The following SZRD1 variants were observed in gnomAD, a reference collection of about 807,000 sequenced individuals.
SZRD1 encodes SUZ RNA binding domain containing 1.
In SZRD1, 7 loss-of-function variants were observed where a neutral mutation model predicts 17.6. The observed-to-expected ratio is 0.40, with a 90% CI of 0.23 to 0.75. SZRD1 has a LOEUF of 0.75. Ranked by LOEUF, SZRD1 falls within the 30% of genes least tolerant of loss-of-function variation. The pLI, the probability that SZRD1 is intolerant of heterozygous loss-of-function variation, is 0.38. For synonymous variants in SZRD1, 77 were observed against 77.9 expected (o/e 0.99, Z 0.06); for missense variants, 178 against 201.8 (o/e 0.88, Z 0.71).
intron 1 of SZRD1, among the ~76,000 whole-genome samples, chr1:16,377,885 T>C (rs539063185): frequency 4.0e-4 from 61 of 152,290 alleles, no homozygotes; most frequent in Admixed American, 1.4e-3. Flanking sequence ...GTAGCCTCTA[T>C]CTGGTTTGGG....
In SZRD1 at chr1:16,374,533, T is replaced by C. The variant is rs2082966639; in HGVS notation, c.51+7225T>C. Among the ~76,000 whole-genome samples the C allele has an allele frequency of 2.0e-5, 3 of 152,238 alleles. No homozygotes were observed. In the South Asian group the frequency reaches 6.2e-4, roughly 32 times the overall value. ...CAGCAATCACAGGCCTTCTTGTTTT[T>C]ACTTCTATGACAGGAGAGGATTTAG... On this transcript the variant is annotated intron_variant, in intron 1 of 3. Coordinates refer to ENST00000401088, the MANE Select transcript of SZRD1 (RefSeq NM_001114600.3).
intron 1 of SZRD1, among the ~76,000 whole-genome samples, chr1:16,377,316 C>T (rs1019055617): frequency 8.5e-5 from 13 of 152,058 alleles, no homozygotes; most frequent in Non-Finnish European, 1.8e-4. Flanking sequence ...GCAAGAGTGG[C>T]TTACACCTGT....
rs181367132 is a variant in SZRD1 at position 16,395,084 on chromosome 1, G to T, written c.403G>T (p.Val135Leu). The T allele has an allele frequency of 8.7e-6, 14 of 1,613,982 alleles. No individual in the cohort carries two copies. In the Admixed American group the frequency reaches 2.3e-4, roughly 27 times the overall value. ...QPEDSRQPNNVIRQPLGPDGS... is the reference protein window; with the variant it reads ...QPEDSRQPNNLIRQPLGPDGS... ...CGAAGACAGCAGGCAGCCCAATAAT[G>T]TGATCAGACAGCCTTTGGGTCCTGA... Residue 135 changes from valine to leucine, a missense_variant, in exon 4 of 4, where the codon GTG becomes TTG. Transcript: ENST00000401088.
At chr1:16,382,858 C>T (rs1362067467) in intron 1 of SZRD1, among the ~76,000 whole-genome samples, 1 of 151,486 alleles carries the variant, frequency 6.6e-6, no homozygotes, top group African/African-American at 2.4e-5. Flanking sequence ...ACAATGTGAG[C>T]CACATGGATA....
At chr1:16,379,617 A>G (rs1043371517) in intron 1 of SZRD1, among the ~76,000 whole-genome samples, 4 of 152,154 alleles carry the variant, frequency 2.6e-5, no homozygotes, top group Non-Finnish European at 5.9e-5. Context: ...TCATTTGTCA[A>G]CTGGATCCAG....
chr1:16,392,514 T>G (rs1297856368), intron 2 of SZRD1, among the ~76,000 whole-genome samples: 2 of 152,246 alleles, frequency 1.3e-5, no homozygotes, highest in African/African-American at 4.8e-5. Flanking sequence ...ACAATGCTTT[T>G]CTTTTGAGCA....
intron 1 of SZRD1, chr1:16,387,089 G>T (rs1296388888): frequency 3.1e-6 from 1 of 321,260 alleles, no homozygotes; most frequent in African/African-American, 2.2e-5. Flanking sequence ...GTCTGGGGAA[G>T]AATGTTGACA....
At chr1:16,382,529 CTG>C (rs1239246441) in intron 1 of SZRD1, among the ~76,000 whole-genome samples, 1 of 150,478 alleles carries the variant, frequency 6.6e-6, no homozygotes, top group African/African-American at 2.5e-5. Flanking sequence ...GAGTCTCACT[CTG>C]TCACCCAGGC....
At chr1:16,386,205 A>G (rs1557628434) in intron 1 of SZRD1, among the ~76,000 whole-genome samples, 1 of 152,224 alleles carries the variant, frequency 6.6e-6, no homozygotes, top group Non-Finnish European at 1.5e-5. Context: ...CCTGTGTGGT[A>G]TGCTTGTGCC....
At chr1:16,390,882 G>A (rs2100745598) in intron 1 of SZRD1, among the ~76,000 whole-genome samples, 1 of 152,180 alleles carries the variant, frequency 6.6e-6, no homozygotes, top group South Asian at 2.1e-4. Context: ...CTGGGGGCTA[G>A]TGATAGCAAA....
intron 1 of SZRD1, chr1:16,367,757 G>A (rs945932294): frequency 5.8e-6 from 1 of 171,852 alleles, no homozygotes; most frequent in Non-Finnish European, 1.2e-5. Context: ...AGGAAAGCGG[G>A]AGGAGGCAGC....
At chr1:16,367,492 C>A (rs1252306964) in intron 1 of SZRD1, among the ~76,000 whole-genome samples, 184 bp downstream of exon 1, 2 of 128,816 alleles carry the variant, frequency 1.6e-5, no homozygotes, top group Admixed American at 7.8e-5. Context: ...CGATCCATTT[C>A]TCTCCTTTCC....
intron 1 of SZRD1, chr1:16,387,212 GAC>G: frequency 4.6e-6 from 2 of 438,146 alleles, no homozygotes; most frequent in Non-Finnish European, 9.1e-6. Flanking sequence ...CATTTACTCA[GAC>G]ATGGCCTACG....
At position 16,391,348 on chromosome 1, in the gene SZRD1, C is replaced by T. The variant is rs1056690459; in HGVS notation, c.52-27C>T. 1 of 1,504,428 alleles carries T rather than the reference C, an allele frequency of 6.6e-7. No homozygotes were observed. The highest frequency in any genetic ancestry group is 1.4e-5 in the African/African-American group (1 of 71,686). 93.2% of individuals were successfully genotyped at this position (1,504,428 alleles called of 1,614,324 possible). A position where few individuals can be genotyped will look rare whatever the true frequency, so the allele number is the denominator to read the frequency against. On this transcript the variant is annotated intron_variant, in intron 1 of 3. Transcript: ENST00000401088. This position sits in a 1 kb window ranked among gnomAD's most constrained non-coding sequence, Gnocchi z 4.3. ...TTTTATTTGAGAGAGATTTTTTCCT[C>T]TTTTTATATACATTTTTTTCCTCTA...
At position 16,395,250 on chromosome 1, in the gene SZRD1, T is replaced by C. The variant is rs1021195740; in HGVS notation, c.*110T>C. 4.5e-5 allele frequency: 35 copies of C among 776,582 alleles called. No homozygotes were observed. The highest frequency in any genetic ancestry group is 2.5e-5 in the Non-Finnish European group (11 of 436,050). The allele number at this position is 776,582 out of a possible 1,614,324, so 48.1% of individuals were successfully genotyped here. On this transcript the variant is annotated 3_prime_UTR_variant, in exon 4 of 4. Coordinates refer to ENST00000401088, the MANE Select transcript of SZRD1 (RefSeq NM_001114600.3). Reference sequence around the variant, plus strand: ...CTGGACTTGAGCAGAGGGAACGACCTGACTTACTTGCACTGTGATCCCCCT... The same window carrying C: ...CTGGACTTGAGCAGAGGGAACGACCCGACTTACTTGCACTGTGATCCCCCT...
At position 16,376,946 on chromosome 1, in the gene SZRD1, C is replaced by G. The variant is rs183702505; in HGVS notation, c.51+9638C>G. On this transcript the variant is annotated intron_variant, in intron 1 of 3. Transcript: ENST00000401088. ...GCCTCCTCCTGAGTAGCTCAGAGTA[C>G]AGGTGCGTGAGCCACTGCACCTAGC... Among the ~76,000 whole-genome samples, 583 of 152,126 alleles carry G rather than the reference C, an allele frequency of 3.8e-3. 6 individuals carry two copies. The highest frequency in any genetic ancestry group is 0.014 in the African/African-American group (565 of 41,486).
intron 1 of SZRD1, among the ~76,000 whole-genome samples, chr1:16,379,594 A>G (rs998597382): frequency 6.6e-6 from 1 of 152,120 alleles, no homozygotes. Context: ...TCTTATTTTG[A>G]ATATGGATAG....
chr1:16,393,157 G>A lies in SZRD1; in HGVS notation c.102-71G>A, dbSNP rs1189676900. 4.8e-5 allele frequency: 75 copies of A among 1,557,942 alleles called. No homozygotes were observed. Among genetic ancestry groups the A allele is most frequent in the Non-Finnish European group, 6.2e-5 (71 of 1,139,766 alleles). On this transcript the variant is annotated intron_variant, in intron 2 of 3. Transcript: ENST00000401088. The surrounding 1 kb of genome is among the most constrained non-coding windows in gnomAD (Gnocchi z 5.6). ...GAGGGAGAGGAAAGTGATGAGAGGT[G>A]GGTGTGGGACATGGACAGGGCCTCC...
rs193132058 is a variant in SZRD1, at chr1:16,397,637, C to G, written c.*2497C>G. On this transcript the variant is annotated 3_prime_UTR_variant, in exon 4 of 4. Coordinates refer to ENST00000401088, the MANE Select transcript of SZRD1 (RefSeq NM_001114600.3). This position sits in a 1 kb window ranked among gnomAD's most constrained non-coding sequence, Gnocchi z 5.4. ...CCAGGCCTCAGACCTTCCAGCTAACCGCTTCCCATGAGCCACTACTCTGAT... is the reference window on the plus strand; with the variant it reads ...CCAGGCCTCAGACCTTCCAGCTAACGGCTTCCCATGAGCCACTACTCTGAT... 6.6e-6 allele frequency: 1 copy of G among 152,384 alleles called. No individual in the cohort carries two copies. The highest frequency in any genetic ancestry group is 1.9e-4 in the East Asian group (1 of 5,188). The allele number at this position is 152,384 out of a possible 1,614,324, so 9.4% of individuals were successfully genotyped here. A position where few individuals can be genotyped will look rare whatever the true frequency, so the allele number is the denominator to read the frequency against.
Sources: allele counts gnomAD v4.1 joint callset (sites outside exome capture counted in the v4.1 genomes callset), GRCh38; gene constraint gnomAD v4.1.1; non-coding constraint Gnocchi (gnomAD v3.1); transcripts MANE v1.5; gene names NCBI Gene and HGNC (gene_info 2026-07-23, HGNC 2026-07-21).